The following ADAT2 variants were observed in gnomAD, a reference collection of about 807,000 sequenced individuals.
The protein encoded by ADAT2 is adenosine deaminase tRNA specific 2.
A neutral mutation model predicts 25.9 loss-of-function variants in ADAT2; 26 were observed. The ratio of observed to expected loss-of-function variants is 1.00; its 90% CI spans 0.74 to 1.39. The LOEUF (loss-of-function observed/expected upper bound fraction) is 1.39, where lower values mean the gene tolerates loss of function less well. Among genes scored for constraint, ADAT2 ranks in the 40% most tolerant of loss-of-function variants. ADAT2 has a pLI of 0.00. For missense variants in ADAT2, 220 were observed against 244.8 expected (o/e 0.90, Z 0.68); for synonymous variants, 76 against 86.8 (o/e 0.88, Z 0.69).
At chr6:143,429,056 C>G (rs1246168906) in intron 4 of ADAT2, among the ~76,000 whole-genome samples, 2 of 152,140 alleles carry the variant, frequency 1.3e-5, no homozygotes, top group Admixed American at 1.3e-4. Context: ...GAGATAATAC[C>G]TGTTAAATAC....
At chr6:143,447,451 C>A (rs1779629518) in intron 1 of ADAT2, among the ~76,000 whole-genome samples, 2 of 151,994 alleles carry the variant, frequency 1.3e-5, no homozygotes, top group Middle Eastern at 3.2e-3. Context: ...TGCTGATAAT[C>A]AAAAAGAGAA....
intron 4 of ADAT2, among the ~76,000 whole-genome samples, chr6:143,429,052 A>G (rs1779030259): frequency 1.3e-5 from 2 of 152,334 alleles, no homozygotes; most frequent in South Asian, 4.1e-4. Context: ...AAGTGAGATA[A>G]TACCTGTTAA....
rs1293064446 is a variant in ADAT2, at chr6:143,434,462, T to C, written c.202-481A>G. 6.6e-6 allele frequency among the ~76,000 whole-genome samples: 1 copy of C among 152,220 alleles called. No individual in the cohort carries two copies. The highest frequency in any genetic ancestry group is 6.5e-5 in the Admixed American group (1 of 15,278). ...TACACTTTTGGGGAATGAGGTTTTA[T>C]ATACTGGAAGACTCTAGAGAAGTAG... On this transcript the variant is annotated intron_variant, in intron 2 of 5. Coordinates refer to ENST00000237283, the MANE Select transcript of ADAT2 (RefSeq NM_182503.3). The surrounding 1 kb of genome is among the most constrained non-coding windows in gnomAD (Gnocchi z 4.5).
rs1043324772 is a variant in ADAT2, at chr6:143,432,393, T to A, written c.459+112A>T. Reference sequence around the variant, plus strand: ...ACCAGAGGCCCTGAGATCAAAGATGTCTGATTCTATCATCGTTTCTTCGTA... The same window carrying A: ...ACCAGAGGCCCTGAGATCAAAGATGACTGATTCTATCATCGTTTCTTCGTA... On this transcript the variant is annotated intron_variant, in intron 4 of 5. Coordinates refer to ENST00000237283, the MANE Select transcript of ADAT2 (RefSeq NM_182503.3). This position sits in a 1 kb window ranked among gnomAD's most constrained non-coding sequence, Gnocchi z 4.4. 1 of 980,628 alleles carries A rather than the reference T, an allele frequency of 1.0e-6. No individual in the cohort carries two copies. Among genetic ancestry groups the A allele is most frequent in the Non-Finnish European group, 1.6e-6 (1 of 640,950 alleles). 60.7% of individuals were successfully genotyped at this position (980,628 alleles called of 1,614,324 possible).
Position 143,428,617 on chromosome 6 carries a change from G to A in ADAT2, c.527C>T (p.Pro176Leu). The A allele has an allele frequency of 6.2e-7, 1 of 1,613,946 alleles. No homozygotes were observed. The highest frequency in any genetic ancestry group is 8.5e-7 in the Non-Finnish European group (1 of 1,179,938). ...ATCCACAACAGAAAACTGACCATTT[G>A]GATTTTCTTGTTTGTAGAAGGTCTT... ...MLKTFYKQEN[P>L]NAPKSKVRKK... Residue 176 changes from proline (P) to leucine (L), a missense_variant, in exon 5 of 6, where the codon CCA (proline) becomes CTA (leucine). Physicochemically the swap from Pro to Leu is moderately conservative, Grantham distance 98 (BLOSUM62 -3). Transcript: ENST00000237283. This position sits in a 1 kb window ranked among gnomAD's most constrained non-coding sequence, Gnocchi z 5.0.
In ADAT2 at chr6:143,434,614, C is replaced by G. The variant is rs182093899; in HGVS notation, c.202-633G>C. On this transcript the variant is annotated intron_variant, in intron 2 of 5. Coordinates refer to ENST00000237283, the MANE Select transcript of ADAT2 (RefSeq NM_182503.3). This position sits in a 1 kb window ranked among gnomAD's most constrained non-coding sequence, Gnocchi z 4.5. ...TGACATTACCAATTATGTGGACTTA[C>G]GCAAGTAACTTAACTTCTGTAAGTC... Among the ~76,000 whole-genome samples, 1 of 152,272 alleles carries G rather than the reference C, an allele frequency of 6.6e-6. No individual in the cohort carries two copies. Among genetic ancestry groups the G allele is most frequent in the Non-Finnish European group, 1.5e-5 (1 of 68,010 alleles).
At chr6:143,429,050 T>G (rs1055237306) in intron 4 of ADAT2, among the ~76,000 whole-genome samples, 2 of 152,210 alleles carry the variant, frequency 1.3e-5, no homozygotes, top group African/African-American at 4.8e-5. Context: ...TTAAGTGAGA[T>G]AATACCTGTT....
intron 4 of ADAT2, among the ~76,000 whole-genome samples, chr6:143,429,881 C>T (rs989168668): frequency 6.6e-6 from 1 of 152,166 alleles, no homozygotes; most frequent in Admixed American, 6.5e-5. Flanking sequence ...CATAAACCTT[C>T]GCCATAACAA....
In ADAT2 at chr6:143,428,302, G is replaced by A. The variant is rs895403079; in HGVS notation, c.*161C>T. 1 of 709,668 alleles carries A rather than the reference G, an allele frequency of 1.4e-6. No homozygotes were observed. The highest frequency in any genetic ancestry group is 1.8e-5 in the African/African-American group (1 of 55,542). 44.0% of individuals were successfully genotyped at this position (709,668 alleles called of 1,614,324 possible). On this transcript the variant is annotated 3_prime_UTR_variant, in exon 6 of 6. Coordinates refer to ENST00000237283, the MANE Select transcript of ADAT2 (RefSeq NM_182503.3). The surrounding 1 kb of genome is among the most constrained non-coding windows in gnomAD (Gnocchi z 5.0). ...TTTACAATTGTCAGACTTCTAAAAA[G>A]TGCTAATTTGTTCCCTTAACAGAGC... is the stretch of plus-strand genomic sequence containing the variant.
rs896332466 is a variant in ADAT2 at position 143,444,296 on chromosome 6, C to T, written c.97-5602G>A. Among the ~76,000 whole-genome samples, 1 of 151,980 alleles carries T rather than the reference C, an allele frequency of 6.6e-6. No individual in the cohort carries two copies. Among genetic ancestry groups the T allele is most frequent in the Non-Finnish European group, 1.5e-5 (1 of 68,002 alleles). ...AATAACGTCATTGTTGAGGAATGGC[C>T]GAGCCTGCCATGCTGAGGATGAGTG... On this transcript the variant is annotated intron_variant, in intron 1 of 5. Coordinates refer to ENST00000237283, the MANE Select transcript of ADAT2 (RefSeq NM_182503.3). The surrounding 1 kb of genome is among the most constrained non-coding windows in gnomAD (Gnocchi z 4.3).
chr6:143,441,421 A>T (rs1779452348), intron 1 of ADAT2: 1 of 152,212 alleles, frequency 6.6e-6, no homozygotes, highest in African/African-American at 2.4e-5. Flanking sequence ...TAAAGAGAAG[A>T]AGTTGATTTG....
rs538855468 is a variant in ADAT2 at position 143,424,742 on chromosome 6, T to A, written c.*3721A>T. ...ATTTAAAACATTCTTATTAGAAAAA[T>A]TTTTTTTATCAATTTTGGCAGACAG... On this transcript the variant is annotated 3_prime_UTR_variant, in exon 6 of 6. Coordinates refer to ENST00000237283, the MANE Select transcript of ADAT2 (RefSeq NM_182503.3). This position sits in a 1 kb window ranked among gnomAD's most constrained non-coding sequence, Gnocchi z 4.8. 74 of 151,338 alleles carry A rather than the reference T, an allele frequency of 4.9e-4. No homozygotes were observed. Among genetic ancestry groups the A allele is most frequent in the African/African-American group, 1.5e-3 (64 of 41,460 alleles). 9.4% of individuals were successfully genotyped at this position (151,338 alleles called of 1,614,324 possible).
At chr6:143,447,878 C>A (rs780354078) in intron 1 of ADAT2, among the ~76,000 whole-genome samples, 7 of 152,128 alleles carry the variant, frequency 4.6e-5, no homozygotes, top group Non-Finnish European at 1.0e-4. Flanking sequence ...CCATTTGACC[C>A]AGCCATCCCA....
At chr6:143,443,669 A>T (rs1264368158) in intron 1 of ADAT2, among the ~76,000 whole-genome samples, 1 of 151,968 alleles carries the variant, frequency 6.6e-6, no homozygotes, top group Non-Finnish European at 1.5e-5. Flanking sequence ...CATCTCTACT[A>T]AAAATACAAA....
At chr6:143,438,564 GC>G in intron 2 of ADAT2, 25 bp downstream of exon 2, 1 of 1,560,234 alleles carries the variant, frequency 6.4e-7, no homozygotes, top group Non-Finnish European at 8.8e-7. Context: ...CTGTATGTTT[GC>G]AATTATACTG....
intron 1 of ADAT2, among the ~76,000 whole-genome samples, chr6:143,448,090 T>C (rs1457848421): frequency 6.6e-6 from 1 of 151,918 alleles, no homozygotes; most frequent in East Asian, 1.9e-4. Context: ...AGTTCATCCT[T>C]TTCATTTGTA....
At chr6:143,448,797 C>G (rs1779669322) in intron 1 of ADAT2, among the ~76,000 whole-genome samples, 1 of 151,756 alleles carries the variant, frequency 6.6e-6, no homozygotes, top group Non-Finnish European at 1.5e-5. Flanking sequence ...TGCCCGGGCC[C>G]AGGAGTTCAA....
At chr6:143,449,293 C>T (rs1191187622) in intron 1 of ADAT2, among the ~76,000 whole-genome samples, 2 of 152,178 alleles carry the variant, frequency 1.3e-5, no homozygotes, top group Non-Finnish European at 1.5e-5. Context: ...ATCAAGAGAT[C>T]CTCTTGCTTC....
chr6:143,436,648 C>G lies in ADAT2; in HGVS notation c.201+1942G>C, dbSNP rs1583980222. ...CCTGGTATCAGAGTACCAACAGTATCAGGATGCCACTGTTGAGGAGGAGGG... is the reference window on the plus strand; with the variant it reads ...CCTGGTATCAGAGTACCAACAGTATGAGGATGCCACTGTTGAGGAGGAGGG... On this transcript the variant is annotated intron_variant, in intron 2 of 5. Coordinates refer to ENST00000237283, the MANE Select transcript of ADAT2 (RefSeq NM_182503.3). This position sits in a 1 kb window ranked among gnomAD's most constrained non-coding sequence, Gnocchi z 4.1. The G allele has an allele frequency of 5.5e-6, 2 of 360,682 alleles. No individual in the cohort carries two copies. The highest frequency in any genetic ancestry group is 8.0e-5 in the East Asian group (1 of 12,518). 22.3% of individuals were successfully genotyped at this position (360,682 alleles called of 1,614,324 possible). A position where few individuals can be genotyped will look rare whatever the true frequency, so the allele number is the denominator to read the frequency against.
Sources: gnomAD v4.1 joint callset for allele counts (sites outside exome capture counted in the v4.1 genomes callset) on GRCh38, gnomAD v4.1.1 for gene constraint, Gnocchi (gnomAD v3.1) non-coding constraint, MANE v1.5 for transcripts, NCBI Gene and HGNC (gene_info 2026-07-23, HGNC 2026-07-21) for gene names.